Variants in APCDD1L observed in about 807,000 individuals in gnomAD.
APCDD1L encodes protein APCDD1-like.
A neutral mutation model predicts 24.2 loss-of-function variants in APCDD1L; 21 were observed. That is an observed-to-expected ratio of 0.87 (90% CI 0.61 to 1.25). The LOEUF is 1.25. Among genes scored for constraint, APCDD1L ranks in the 50% most tolerant of loss-of-function variants. APCDD1L has a pLI of 0.00. For missense variants in APCDD1L, 704 were observed against 711.7 expected (o/e 0.99, Z 0.12); for synonymous variants, 321 against 323.6 (o/e 0.99, Z 0.09).
At chr20:58,498,662 A>C (rs1990372055) in intron 1 of APCDD1L, among the ~76,000 whole-genome samples, 1 of 152,152 alleles carries the variant, frequency 6.6e-6, no homozygotes, top group South Asian at 2.1e-4. Flanking sequence ...TTGGACTTTG[A>C]GACCAGCTGA....
At chr20:58,488,993 G>A (rs1990173225) in intron 1 of APCDD1L, among the ~76,000 whole-genome samples, 1 of 152,116 alleles carries the variant, frequency 6.6e-6, no homozygotes, top group Middle Eastern at 3.2e-3. Flanking sequence ...GGAAAGGAAA[G>A]AAGAGTGGGT....
rs377363686 is a variant in APCDD1L, at chr20:58,461,226, C to A, written c.1070G>T (p.Arg357Leu). 2 of 1,613,384 alleles carry A rather than the reference C, an allele frequency of 1.2e-6. No homozygotes were observed. The highest frequency in any genetic ancestry group is 3.3e-5 in the Admixed American group (2 of 59,986). The stretch of plus-strand genomic sequence containing the variant: ...CTGGTCCATGGGGGTCACATGGGCC[C>A]GTGTGACCTCAAACACCAGCTCGGT... ...GGTELVFEVT[R>L]AHVTPMDQVT... Residue 357 changes from arginine (R) to leucine (L), a missense_variant, in exon 4 of 4, where the codon CGG (arginine) becomes CTG (leucine). Transcript: ENST00000371149. This position sits in a 1 kb window ranked among gnomAD's most constrained non-coding sequence, Gnocchi z 6.0.
chr20:58,496,439 G>A (rs1253284762), intron 1 of APCDD1L, among the ~76,000 whole-genome samples: 2 of 152,256 alleles, frequency 1.3e-5, no homozygotes, highest in African/African-American at 4.8e-5. Context: ...ATCATCTCAT[G>A]GATGAAAACA....
chr20:58,468,617 G>A (rs1462509571), intron 2 of APCDD1L, among the ~76,000 whole-genome samples: 1 of 152,130 alleles, frequency 6.6e-6, no homozygotes, highest in Non-Finnish European at 1.5e-5. Flanking sequence ...ACCCAGGCTG[G>A]AATGCACTGG....
chr20:58,480,983 C>T (rs1432235757), intron 1 of APCDD1L, among the ~76,000 whole-genome samples: 4 of 152,214 alleles, frequency 2.6e-5, no homozygotes, highest in Non-Finnish European at 4.4e-5. Context: ...TTGACTTTAG[C>T]ACCTGCGTTC....
At chr20:58,511,618 G>A (rs2208087) in intron 1 of APCDD1L, among the ~76,000 whole-genome samples, 72,066 of 152,112 alleles carry the variant, frequency 0.47, 19,170 homozygotes, top group Admixed American at 0.59. Flanking sequence ...ATTCATCTTC[G>A]AGAAGCACTT....
chr20:58,483,222 G>A (rs1024444716), intron 1 of APCDD1L, among the ~76,000 whole-genome samples: 5 of 152,132 alleles, frequency 3.3e-5, no homozygotes, highest in African/African-American at 1.2e-4. Context: ...GTGTGATGGT[G>A]GCGCCGTGGG....
At chr20:58,475,183 AG>A (rs1469395554) in intron 1 of APCDD1L, among the ~76,000 whole-genome samples, 2 of 152,242 alleles carry the variant, frequency 1.3e-5, no homozygotes, top group African/African-American at 4.8e-5. Context: ...GTCAGAGCAG[AG>A]GGAGAAATAT....
chr20:58,502,685 AG>A (rs1474088445), intron 1 of APCDD1L, among the ~76,000 whole-genome samples: 1 of 152,032 alleles, frequency 6.6e-6, no homozygotes, highest in Non-Finnish European at 1.5e-5. Context: ...TAGAATTTGA[AG>A]TAGAGAGAGA....
intron 1 of APCDD1L, among the ~76,000 whole-genome samples, chr20:58,509,881 A>C (rs1167759199): frequency 1.3e-5 from 2 of 152,106 alleles, no homozygotes; most frequent in Admixed American, 6.5e-5. Context: ...CATTGCTCTT[A>C]ATATAAAGTC....
At chr20:58,487,716 G>A (rs1990147079) in intron 1 of APCDD1L, among the ~76,000 whole-genome samples, 1 of 152,074 alleles carries the variant, frequency 6.6e-6, no homozygotes, top group African/African-American at 2.4e-5. Flanking sequence ...GCACTATTAG[G>A]GATAAAGGTG....
chr20:58,490,833 G>A (rs1291537983), intron 1 of APCDD1L, among the ~76,000 whole-genome samples: 1 of 152,194 alleles, frequency 6.6e-6, no homozygotes, highest in South Asian at 2.1e-4. Context: ...AAAAATTAAG[G>A]ACAGTATGAG....
In APCDD1L at chr20:58,460,454, C is replaced by G; in HGVS notation, c.*336G>C. ...GGGGGAACATGGGATGGGGGTGTTC[C>G]GTGTGGCCCCCTGACTGCACCTGTT... On this transcript the variant is annotated 3_prime_UTR_variant, in exon 4 of 4. Coordinates refer to ENST00000371149, the MANE Select transcript of APCDD1L (RefSeq NM_153360.3). The surrounding 1 kb of genome is among the most constrained non-coding windows in gnomAD (Gnocchi z 4.2). 1 of 212,424 alleles carries G rather than the reference C, an allele frequency of 4.7e-6. No homozygotes were observed. The highest frequency in any genetic ancestry group is 9.4e-6 in the Non-Finnish European group (1 of 106,718). 13.2% of individuals were successfully genotyped at this position (212,424 alleles called of 1,614,324 possible).
chr20:58,462,503 A>C (rs145069896), intron 3 of APCDD1L, among the ~76,000 whole-genome samples: 2 of 152,108 alleles, frequency 1.3e-5, no homozygotes, highest in Non-Finnish European at 2.9e-5. Flanking sequence ...CATTTGCTCT[A>C]CCTACCCCAT....
chr20:58,505,383 A>G (rs1358878647), intron 1 of APCDD1L, among the ~76,000 whole-genome samples: 1 of 152,142 alleles, frequency 6.6e-6, no homozygotes, highest in African/African-American at 2.4e-5. Flanking sequence ...TTCTTGTTCT[A>G]ACATTATGTC....
Position 58,497,120 on chromosome 20 carries a change from C to G in APCDD1L, c.49+17539G>C, listed in dbSNP as rs757162028. On this transcript the variant is annotated intron_variant, in intron 1 of 3. Transcript: ENST00000371149. The surrounding 1 kb of genome is among the most constrained non-coding windows in gnomAD (Gnocchi z 4.3). ...AAAGACAGGGCTCCAGGGTCAGCAG[C>G]GTGGACACCAGAGGTCACAAGATGG... Among the ~76,000 whole-genome samples, 1 of 149,546 alleles carries G rather than the reference C, an allele frequency of 6.7e-6. No homozygotes were observed. Among genetic ancestry groups the G allele is most frequent in the South Asian group, 2.1e-4 (1 of 4,752 alleles).
At position 58,467,169 on chromosome 20, in the gene APCDD1L, G is replaced by T; in HGVS notation, c.678C>A (p.Thr226=). Reference sequence around the variant, plus strand: ...GGTAGTGCCGCCTCTCCGCCGGGTCGGTGTGGATGTCCCCCAGGTACAGCT... The same window carrying T: ...GGTAGTGCCGCCTCTCCGCCGGGTCTGTGTGGATGTCCCCCAGGTACAGCT... ...VEELYLGDIH[T]DPAERRHYRP... The change falls in exon 3 of 4, where the codon ACC becomes ACA. Residue 226 remains threonine (T), a synonymous_variant. Coordinates refer to ENST00000371149, the MANE Select transcript of APCDD1L (RefSeq NM_153360.3). The surrounding 1 kb of genome is among the most constrained non-coding windows in gnomAD (Gnocchi z 5.9). 1 of 1,607,484 alleles carries T rather than the reference G, an allele frequency of 6.2e-7. No individual in the cohort carries two copies.
intron 1 of APCDD1L, among the ~76,000 whole-genome samples, chr20:58,505,740 C>A (rs535561700): frequency 6.6e-6 from 1 of 152,028 alleles, no homozygotes; most frequent in African/African-American, 2.4e-5. Flanking sequence ...CAGATTGTGA[C>A]CTTATTTGGA....
At chr20:58,470,968 C>G (rs185457339) in intron 1 of APCDD1L, among the ~76,000 whole-genome samples, 4 of 152,216 alleles carry the variant, frequency 2.6e-5, no homozygotes, top group African/African-American at 9.6e-5. Context: ...CTCCTGGGTT[C>G]CCAGATGTGA....
Sources: allele counts gnomAD v4.1 joint callset (sites outside exome capture counted in the v4.1 genomes callset), GRCh38; gene constraint gnomAD v4.1.1; non-coding constraint Gnocchi (gnomAD v3.1); transcripts MANE v1.5; gene names NCBI Gene and HGNC (gene_info 2026-07-23, HGNC 2026-07-21).